The following MYH15 variants were observed in gnomAD, a reference collection of about 807,000 sequenced individuals.
The protein encoded by MYH15 is myosin heavy chain 15, also known as myosin-15.
A neutral mutation model predicts 240.5 loss-of-function variants in MYH15; 227 were observed. The ratio of observed to expected loss-of-function variants is 0.94; its 90% CI spans 0.85 to 1.05. MYH15 has a LOEUF of 1.05. Ranked by LOEUF, MYH15 falls within the 50% of genes least tolerant of loss-of-function variation. The pLI is 0.00. For synonymous variants in MYH15, 785 were observed against 796.7 expected (o/e 0.99, Z 0.25); for missense variants, 2,217 against 2,247.5 (o/e 0.99, Z 0.27).
intron 36 of MYH15, among the ~76,000 whole-genome samples, chr3:108,392,274 T>TGA: frequency 6.6e-6 from 1 of 152,350 alleles, no homozygotes. Flanking sequence ...GACTGATTAT[T>TGA]GAATAAAGTA....
At chr3:108,435,287 T>C (rs2082821656) in intron 25 of MYH15, among the ~76,000 whole-genome samples, 1 of 152,214 alleles carries the variant, frequency 6.6e-6, no homozygotes, top group Non-Finnish European at 1.5e-5. Context: ...TTGACTGTAT[T>C]TTATTCTAAT....
At chr3:108,406,297 T>C (rs7648278) in intron 32 of MYH15, among the ~76,000 whole-genome samples, 18,973 of 152,130 alleles carry the variant, frequency 0.12, 1,497 homozygotes, top group Non-Finnish European at 0.18. Context: ...CAGAAGTAAT[T>C]TTTTCATAGC....
intron 35 of MYH15, among the ~76,000 whole-genome samples, chr3:108,397,328 C>T (rs1298282856): frequency 2.6e-5 from 4 of 152,192 alleles, no homozygotes; most frequent in Non-Finnish European, 1.5e-5. Context: ...AACTCCTTCC[C>T]CCTGCCCCCA....
chr3:108,512,361 T>C (rs1409745252), upstream of MYH15, among the ~76,000 whole-genome samples: 2 of 152,102 alleles, frequency 1.3e-5, no homozygotes, highest in Non-Finnish European at 2.9e-5. Context: ...GGAAAATGGC[T>C]CTGGTGGCAT....
intron 21 of MYH15, among the ~76,000 whole-genome samples, chr3:108,451,046 A>G (rs1331805685): frequency 6.6e-6 from 1 of 152,194 alleles, no homozygotes; most frequent in East Asian, 1.9e-4. Flanking sequence ...ATAATTTAGG[A>G]TTATGCTCTA....
chr3:108,493,300 C>CAAA, intron 7 of MYH15, 123 bp from the exon 8 acceptor site: 1 of 425,820 alleles, frequency 2.3e-6, no homozygotes. Flanking sequence ...AAGTAAAAAA[C>CAAA]AAACAAAAAA....
At chr3:108,434,201 T>C (rs1189883847) in intron 25 of MYH15, among the ~76,000 whole-genome samples, 1 of 149,996 alleles carries the variant, frequency 6.7e-6, no homozygotes, top group Admixed American at 6.6e-5. Flanking sequence ...TTTTTTTTTT[T>C]TTTTGAGTTT....
At chr3:108,446,645 C>T (rs1194549834) in intron 21 of MYH15, among the ~76,000 whole-genome samples, 2 of 152,128 alleles carry the variant, frequency 1.3e-5, no homozygotes, top group Non-Finnish European at 2.9e-5. Context: ...CAAGAAATTA[C>T]AGGCTTCTGA....
At position 108,428,627 on chromosome 3, in the gene MYH15, T is replaced by A. The variant is rs368557464; in HGVS notation, c.3567A>T (p.Ala1189=). Reference sequence around the variant, plus strand: ...GGCCCTCGAGCTCAGCCAGGCTGTCTGCATGTCTCTTCTTCAAAGATGCAG... The same window carrying A: ...GGCCCTCGAGCTCAGCCAGGCTGTCAGCATGTCTCTTCTTCAAAGATGCAG... ...TTSASLKKRH[A]DSLAELEGQV... Residue 1189 remains alanine, a synonymous_variant, in exon 27 of 41, where the codon GCA becomes GCT. Coordinates refer to ENST00000693548, the MANE Select transcript of MYH15 (RefSeq NM_014981.3). 546 of 1,613,876 alleles carry A rather than the reference T, an allele frequency of 3.4e-4. No homozygotes were observed. The highest frequency in any genetic ancestry group is 4.5e-4 in the Non-Finnish European group (530 of 1,180,014).
intron 2 of MYH15, among the ~76,000 whole-genome samples, chr3:108,504,727 A>G (rs2083461962): frequency 6.6e-6 from 1 of 152,202 alleles, no homozygotes; most frequent in Admixed American, 6.5e-5. Flanking sequence ...GTGGCAGGTA[A>G]TGTGAAGTCA....
At chr3:108,524,518 A>G (rs1410439280) in intron 1 of MYH15, among the ~76,000 whole-genome samples, 1 of 151,900 alleles carries the variant, frequency 6.6e-6, no homozygotes, top group East Asian at 1.9e-4. Context: ...GAATTCACTT[A>G]TGGTAACTTT....
chr3:108,505,307 T>G (rs1260974358), intron 2 of MYH15, among the ~76,000 whole-genome samples: 1 of 152,168 alleles, frequency 6.6e-6, no homozygotes, highest in African/African-American at 2.4e-5. Flanking sequence ...GATCTCACTC[T>G]GGTTGCCCAG....
At chr3:108,405,902 T>G (rs1167847637) in intron 32 of MYH15, among the ~76,000 whole-genome samples, 1 of 152,176 alleles carries the variant, frequency 6.6e-6, no homozygotes, top group Non-Finnish European at 1.5e-5. Flanking sequence ...TTGGATGTAT[T>G]CAGAGAACAA....
chr3:108,394,206 A>G (rs1378412703), intron 35 of MYH15, 50 bp from the exon 36 acceptor site: 4 of 1,609,370 alleles, frequency 2.5e-6, no homozygotes, highest in Non-Finnish European at 3.4e-6. Flanking sequence ...AGCAATGCAA[A>G]TGCAAGCTGG....
chr3:108,539,249 C>T, the MYH15 span, among the ~76,000 whole-genome samples: 2 of 152,066 alleles, frequency 1.3e-5, no homozygotes, highest in Non-Finnish European at 2.9e-5. Context: ...CAAATACATA[C>T]TAATGAGTCC....
In MYH15 at chr3:108,480,447, C is replaced by T. The variant is rs573190523; in HGVS notation, c.1115-3932G>A. Among the ~76,000 whole-genome samples the T allele has an allele frequency of 3.3e-5, 5 of 152,182 alleles. No homozygotes were observed. The South Asian group carries it at 1.0e-3, about 32-fold the overall frequency. ...CAGAAGACATCTAATGCCGCTATAA[C>T]ATATTAATTAAAGAATGGGGAAATG... is the stretch of plus-strand genomic sequence containing the variant. On this transcript the variant is annotated intron_variant, in intron 11 of 40. Coordinates refer to ENST00000693548, the MANE Select transcript of MYH15 (RefSeq NM_014981.3).
Position 108,399,175 on chromosome 3 carries a change from ATCT to A in MYH15, c.4826_4828del (p.Lys1609del), listed in dbSNP as rs753407125. The A allele has an allele frequency of 2.1e-5, 34 of 1,614,186 alleles. No homozygotes were observed. Among genetic ancestry groups the A allele is most frequent in the Middle Eastern group, 1.6e-4 (1 of 6,062 alleles). ...TTCCATCTCATTGAGGTCCTCTTCCATCTTCTTCTTCAGCCGGGTAACCTCAAT... is the reference window on the plus strand; with the variant it reads ...TTCCATCTCATTGAGGTCCTCTTCCATCTTCTTCAGCCGGGTAACCTCAAT... On this transcript the variant is annotated inframe_deletion, in exon 34 of 41. Transcript: ENST00000693548.
intron 14 of MYH15, among the ~76,000 whole-genome samples, chr3:108,465,446 G>A (rs905718134): frequency 6.6e-6 from 1 of 152,222 alleles, no homozygotes; most frequent in Admixed American, 6.5e-5. Context: ...CTTATAGGCT[G>A]TAGTAAGACA....
rs562937508 is a variant in MYH15 at position 108,398,546 on chromosome 3, C to T, written c.5133+91G>A. 5.8e-5 allele frequency: 71 copies of T among 1,225,678 alleles called. 1 individual carries two copies. The highest frequency in any genetic ancestry group is 4.7e-4 in the East Asian group (20 of 42,922). The allele number at this position is 1,225,678 out of a possible 1,614,324, so 75.9% of individuals were successfully genotyped here. ...CAGGCACATCCAAGACTTAACAGGG[C>T]GACTGTGCATGGTCCAAGGCCGCCC... On this transcript the variant is annotated intron_variant, in intron 35 of 40. Transcript: ENST00000693548.
Sources: gnomAD v4.1 joint callset for allele counts (sites outside exome capture counted in the v4.1 genomes callset) on GRCh38, gnomAD v4.1.1 for gene constraint, MANE v1.5 for transcripts, NCBI Gene and HGNC (gene_info 2026-07-23, HGNC 2026-07-21) for gene names.